The following ITPR1 variants were observed in gnomAD, a reference collection of about 807,000 sequenced individuals.
ITPR1 encodes the protein inositol 1,4,5-trisphosphate receptor type 1.
In ITPR1, 96 loss-of-function variants were observed where a neutral mutation model predicts 318.4. That is an observed-to-expected ratio of 0.30 (90% CI 0.26 to 0.36). The LOEUF (loss-of-function observed/expected upper bound fraction) is 0.36, where lower values mean the gene tolerates loss of function less well. Ranked by LOEUF, ITPR1 falls within the 10% of genes least tolerant of loss-of-function variation. The pLI is 1.00. For missense variants in ITPR1, 2,440 were observed against 3,460.2 expected, an observed-to-expected ratio of 0.71 and a Z score of 7.40; for synonymous variants, 1,312 against 1,289.9, an observed-to-expected ratio of 1.02 and a Z score of -0.37.
At position 4,733,238 on chromosome 3, in the gene ITPR1, A is replaced by G; in HGVS notation, c.5353+18A>G. 5 of 1,612,866 alleles carry G rather than the reference A, an allele frequency of 3.1e-6. No individual in the cohort carries two copies. Among genetic ancestry groups the G allele is most frequent in the Non-Finnish European group, 4.2e-6 (5 of 1,179,060 alleles). ...GGGAGGAGGTACGCTTTGTGGTGTA[A>G]TTACCTTCGTGTGTGAATCAAGTGT... is the stretch of plus-strand genomic sequence containing the variant. On this transcript the variant is annotated intron_variant, in intron 43 of 61. Transcript: ENST00000649015.
At chr3:4,833,656 C>T (rs1418990025) in intron 60 of ITPR1, among the ~76,000 whole-genome samples, 1 of 152,240 alleles carries the variant, frequency 6.6e-6, no homozygotes, top group Non-Finnish European at 1.5e-5. Flanking sequence ...TAGTCTTCAA[C>T]AGTCCAAGCT....
chr3:4,818,346 T>C, intron 60 of ITPR1, 104 bp downstream of exon 60: 1 of 902,744 alleles, frequency 1.1e-6, no homozygotes, highest in Non-Finnish European at 1.6e-6. Context: ...AAGAATAACA[T>C]CCGATGTTGC....
In ITPR1 at chr3:4,691,351, G is replaced by A. The variant is rs1187590833; in HGVS notation, c.4029+7G>A. The A allele has an allele frequency of 1.3e-6, 2 of 1,590,756 alleles. No individual in the cohort carries two copies. Among genetic ancestry groups the A allele is most frequent in the Non-Finnish European group, 1.7e-6 (2 of 1,160,292 alleles). On this transcript the variant is annotated splice_region_variant and intron_variant, in intron 32 of 61. Coordinates refer to ENST00000649015, the MANE Select transcript of ITPR1 (RefSeq NM_001378452.1). ...AGACATGGTTATGGCCGAGGTGATT[G>A]TTATATATTTCTGTATACCTCCATC... is the stretch of plus-strand genomic sequence containing the variant.
At chr3:4,768,344 A>T in intron 45 of ITPR1, 167 bp from the exon 46 acceptor site, 2 of 741,822 alleles carry the variant, frequency 2.7e-6, no homozygotes, top group Non-Finnish European at 4.2e-6. Flanking sequence ...GCTCGGTTTT[A>T]ATCCTGTCTG....
chr3:4,820,140 C>A (rs916746618), intron 60 of ITPR1, among the ~76,000 whole-genome samples: 1 of 152,316 alleles, frequency 6.6e-6, no homozygotes. Flanking sequence ...GAAAAGTCCT[C>A]AGTTCCCTTC....
intron 2 of ITPR1, among the ~76,000 whole-genome samples, chr3:4,511,307 C>CTTT (rs1196489402): frequency 6.6e-6 from 1 of 151,458 alleles, no homozygotes; most frequent in South Asian, 2.1e-4. Flanking sequence ...CCTGCCCCCC[C>CTTT]TTTTTTTTTA....
chr3:4,800,003 G>A (rs1201274742), intron 53 of ITPR1: 2 of 162,826 alleles, frequency 1.2e-5, no homozygotes, highest in Non-Finnish European at 2.6e-5. Context: ...CCAGGCACCA[G>A]GTACTTCCCC....
chr3:4,713,947 A>G lies in ITPR1; in HGVS notation c.5103+2079A>G, dbSNP rs145605344. Reference sequence around the variant, plus strand: ...CCCATGTTAGCCACTCCAAACCTGCAAGACTTGTCGTGCTTCTGGCCCAAT... The same window carrying G: ...CCCATGTTAGCCACTCCAAACCTGCGAGACTTGTCGTGCTTCTGGCCCAAT... On this transcript the variant is annotated intron_variant, in intron 39 of 61. Coordinates refer to ENST00000649015, the MANE Select transcript of ITPR1 (RefSeq NM_001378452.1). 3.6e-3 allele frequency among the ~76,000 whole-genome samples: 550 copies of G among 152,312 alleles called. 4 individuals are homozygous for G. The highest frequency in any genetic ancestry group is 0.013 in the African/African-American group (523 of 41,562).
At chr3:4,587,540 G>A (rs1026225538) in intron 4 of ITPR1, among the ~76,000 whole-genome samples, 6 of 152,104 alleles carry the variant, frequency 3.9e-5, no homozygotes, top group African/African-American at 1.4e-4. Flanking sequence ...CAAAGTACTG[G>A]GATTACAGGC....
At chr3:4,833,917 A>C (rs1575420654) in intron 60 of ITPR1, among the ~76,000 whole-genome samples, 1 of 152,110 alleles carries the variant, frequency 6.6e-6, no homozygotes, top group Admixed American at 6.6e-5. Context: ...TTGTTTTCAG[A>C]GAGTCTTTCT....
At chr3:4,584,856 T>G (rs2089723326) in intron 4 of ITPR1, among the ~76,000 whole-genome samples, 1 of 152,022 alleles carries the variant, frequency 6.6e-6, no homozygotes, top group African/African-American at 2.4e-5. Flanking sequence ...TCATAGGAGA[T>G]GAAGCAAATG....
At chr3:4,746,481 A>G (rs1423452803) in intron 44 of ITPR1, among the ~76,000 whole-genome samples, 1 of 152,158 alleles carries the variant, frequency 6.6e-6, no homozygotes, top group Non-Finnish European at 1.5e-5. Context: ...TCCCTTTGGC[A>G]GGCTCCCCAA....
At chr3:4,814,388 C>T (rs377681114) in intron 57 of ITPR1, 35 bp from the exon 58 acceptor site, 162 of 1,612,230 alleles carry the variant, frequency 1.0e-4, no homozygotes, top group East Asian at 3.1e-4. Flanking sequence ...TTTCTCCTCA[C>T]GTTTTCTCTC....
chr3:4,639,190 C>A (rs1043183413), intron 5 of ITPR1, among the ~76,000 whole-genome samples, 194 bp from the exon 6 acceptor site: 1 of 152,084 alleles, frequency 6.6e-6, no homozygotes, highest in African/African-American at 2.4e-5. Flanking sequence ...GGCAAAAAGG[C>A]CAGCCAAGCA....
At chr3:4,748,474 T>C (rs1296084587) in intron 44 of ITPR1, among the ~76,000 whole-genome samples, 1 of 152,146 alleles carries the variant, frequency 6.6e-6, no homozygotes, top group Non-Finnish European at 1.5e-5. Context: ...GCATGAGCTT[T>C]TCCTTAATTT....
At chr3:4,736,859 A>G (rs1384426633) in intron 44 of ITPR1, among the ~76,000 whole-genome samples, 2 of 152,130 alleles carry the variant, frequency 1.3e-5, no homozygotes, top group African/African-American at 4.8e-5. Flanking sequence ...CTTTCTGCGT[A>G]TGTGCTGCTA....
intron 10 of ITPR1, among the ~76,000 whole-genome samples, chr3:4,649,259 A>G (rs1392752778): frequency 1.3e-5 from 2 of 152,234 alleles, no homozygotes; most frequent in African/African-American, 4.8e-5. Context: ...ATTTTTGCAT[A>G]GTTGATACCA....
chr3:4,785,947 G>A (rs1422754658), intron 51 of ITPR1, among the ~76,000 whole-genome samples: 1 of 152,198 alleles, frequency 6.6e-6, no homozygotes, highest in Admixed American at 6.5e-5. Context: ...TCCCTAGGGA[G>A]TGATCGATGC....
intron 52 of ITPR1, among the ~76,000 whole-genome samples, chr3:4,791,938 C>T (rs1355213707): frequency 2.0e-5 from 3 of 152,178 alleles, no homozygotes; most frequent in East Asian, 1.9e-4. Flanking sequence ...CAACAACATA[C>T]GTTGATTATC....
Sources: gnomAD v4.1 joint callset for allele counts (sites outside exome capture counted in the v4.1 genomes callset) on GRCh38, gnomAD v4.1.1 for gene constraint, MANE v1.5 for transcripts, NCBI Gene and HGNC (gene_info 2026-07-23, HGNC 2026-07-21) for gene names.